Variants in GAB2 observed in about 807,000 individuals in gnomAD.
GAB2 encodes the protein GRB2 associated binding protein 2.
In GAB2, 26 loss-of-function variants were observed where a neutral mutation model predicts 65.5. The ratio of observed to expected loss-of-function variants is 0.40; its 90% CI spans 0.29 to 0.55. The LOEUF (loss-of-function observed/expected upper bound fraction) is 0.55. GAB2 is among the 20% of genes least tolerant of loss of function. GAB2 has a pLI of 0.53. For missense variants in GAB2, 884 were observed against 875.8 expected (o/e 1.01, Z -0.12); for synonymous variants, 321 against 329.6 (o/e 0.97, Z 0.28).
intron 1 of GAB2, among the ~76,000 whole-genome samples, chr11:78,372,710 G>C (rs1856587468): frequency 6.6e-6 from 1 of 152,134 alleles, no homozygotes; most frequent in Non-Finnish European, 1.5e-5. Context: ...GTCTTTACAT[G>C]CTTTCCTCAA....
intron 2 of GAB2, among the ~76,000 whole-genome samples, chr11:78,266,838 C>A (rs1422282598): frequency 2.0e-5 from 3 of 152,210 alleles, no homozygotes; most frequent in African/African-American, 7.2e-5. Context: ...TCTTCTCTAA[C>A]CCCTGTCCAC....
chr11:78,409,164 C>T (rs897838600), intron 1 of GAB2, among the ~76,000 whole-genome samples: 1 of 152,094 alleles, frequency 6.6e-6, no homozygotes, highest in African/African-American at 2.4e-5. Context: ...CCCTCAGATA[C>T]TTGTATAATA....
intron 1 of GAB2, among the ~76,000 whole-genome samples, chr11:78,286,599 A>G (rs1475722385): frequency 6.6e-6 from 1 of 151,460 alleles, no homozygotes. Context: ...TTTTCATTCC[A>G]TGAATATGTT....
At chr11:78,259,077 A>T (rs1865669497) in intron 2 of GAB2, among the ~76,000 whole-genome samples, 1 of 151,924 alleles carries the variant, frequency 6.6e-6, no homozygotes. Flanking sequence ...ATTTGTGTCC[A>T]TGTGTTCTCA....
chr11:78,305,154 G>T (rs1266538350), intron 1 of GAB2, among the ~76,000 whole-genome samples: 1 of 152,132 alleles, frequency 6.6e-6, no homozygotes, highest in Non-Finnish European at 1.5e-5. Flanking sequence ...GGGAAAGAAA[G>T]GGATTATCAT....
At chr11:78,386,391 C>A (rs1856766956) in intron 1 of GAB2, among the ~76,000 whole-genome samples, 1 of 152,252 alleles carries the variant, frequency 6.6e-6, no homozygotes, top group Non-Finnish European at 1.5e-5. Flanking sequence ...TCTTCTCTTG[C>A]TGACTCTGTC....
intron 1 of GAB2, among the ~76,000 whole-genome samples, chr11:78,325,792 G>C (rs1332975103): frequency 6.6e-6 from 1 of 152,054 alleles, no homozygotes; most frequent in Non-Finnish European, 1.5e-5. Flanking sequence ...TACTTCACAG[G>C]TAATTTCTCT....
At chr11:78,336,137 A>G (rs1855993793) in intron 1 of GAB2, among the ~76,000 whole-genome samples, 1 of 151,822 alleles carries the variant, frequency 6.6e-6, no homozygotes, top group Admixed American at 6.6e-5. Context: ...GACATGGTGA[A>G]ATCCTATCTC....
intron 2 of GAB2, among the ~76,000 whole-genome samples, chr11:78,264,515 C>A (rs1393354070): frequency 6.6e-6 from 1 of 151,914 alleles, no homozygotes; most frequent in Non-Finnish European, 1.5e-5. Context: ...ATTTTCCTGC[C>A]GCAGCCTCCT....
chr11:78,292,344 G>A (rs903820979), intron 1 of GAB2, among the ~76,000 whole-genome samples: 4 of 152,196 alleles, frequency 2.6e-5, no homozygotes, highest in African/African-American at 9.7e-5. Flanking sequence ...CACAAGGCAC[G>A]TGAGATTTGG....
chr11:78,310,284 C>T (rs7941845), intron 1 of GAB2, among the ~76,000 whole-genome samples: 23,443 of 149,972 alleles, frequency 0.16, 2,373 homozygotes, highest in East Asian at 0.4. Flanking sequence ...GGTTGGATAA[C>T]GAGGTCAGGA....
chr11:78,406,655 T>C (rs1395227159), intron 1 of GAB2, among the ~76,000 whole-genome samples: 2 of 152,082 alleles, frequency 1.3e-5, no homozygotes, highest in Non-Finnish European at 2.9e-5. Context: ...TAGGATTACA[T>C]GTGTGAGCCA....
At chr11:78,396,509 T>C (rs1224483573) in intron 1 of GAB2, among the ~76,000 whole-genome samples, 2 of 152,238 alleles carry the variant, frequency 1.3e-5, no homozygotes, top group Non-Finnish European at 2.9e-5. Flanking sequence ...CCAGTACAAA[T>C]ATATGTTTAA....
chr11:78,242,418 T>C (rs1222417401), intron 3 of GAB2, among the ~76,000 whole-genome samples: 2 of 151,502 alleles, frequency 1.3e-5, no homozygotes, highest in African/African-American at 4.9e-5. Context: ...AGGAGAATGG[T>C]GTGAACCTGG....
chr11:78,289,898 AG>A (rs1326804806), intron 1 of GAB2, among the ~76,000 whole-genome samples: 1 of 147,028 alleles, frequency 6.8e-6, no homozygotes, highest in African/African-American at 2.5e-5. Flanking sequence ...CAGATAAAAT[AG>A]GTTCAGAGAA....
At chr11:78,351,122 C>A (rs1364768057) in intron 1 of GAB2, among the ~76,000 whole-genome samples, 2 of 152,170 alleles carry the variant, frequency 1.3e-5, no homozygotes, top group African/African-American at 4.8e-5. Context: ...AACAAGGGAG[C>A]CAGAGTTCCT....
chr11:78,408,683 C>T (rs1469636543), intron 1 of GAB2, among the ~76,000 whole-genome samples: 1 of 152,064 alleles, frequency 6.6e-6, no homozygotes, highest in Non-Finnish European at 1.5e-5. Context: ...GGAGGTGGGG[C>T]CTGATGGGAA....
At chr11:78,319,022 C>CCAT (rs1331578027) in intron 1 of GAB2, among the ~76,000 whole-genome samples, 1 of 152,162 alleles carries the variant, frequency 6.6e-6, no homozygotes, top group African/African-American at 2.4e-5. Context: ...TGTTTTCCCT[C>CCAT]CATCACTGCC....
At chr11:78,221,582 C>G (rs538492218) in intron 8 of GAB2, 95 bp downstream of exon 8, 3 of 671,056 alleles carry the variant, frequency 4.5e-6, no homozygotes, top group South Asian at 3.9e-5. Context: ...AGTCCCTGGG[C>G]TGAGGTGAGT....
Sources: gnomAD v4.1 joint callset for allele counts (sites outside exome capture counted in the v4.1 genomes callset) on GRCh38, gnomAD v4.1.1 for gene constraint, MANE v1.5 for transcripts, NCBI Gene and HGNC (gene_info 2026-07-23, HGNC 2026-07-21) for gene names.